The following ALOX12B variants were observed in gnomAD, a reference collection of about 807,000 sequenced individuals.
ALOX12B encodes the protein arachidonate 12-lipoxygenase, 12R type.
ALOX12B carries 47 observed loss-of-function variants against 78.9 expected under a neutral mutation model. The observed-to-expected ratio is 0.60, with a 90% confidence interval of 0.47 to 0.76. The LOEUF (loss-of-function observed/expected upper bound fraction) is 0.76, where lower values mean the gene tolerates loss of function less well. Ranked by LOEUF, ALOX12B falls within the 30% of genes least tolerant of loss-of-function variation. The probability of loss-of-function intolerance (pLI) is 0.00; values close to 1 mark genes in which losing one functional copy is unlikely to be tolerated. For synonymous variants in ALOX12B, 370 were observed against 374.5 expected (o/e 0.99, Z 0.14); for missense variants, 805 against 922.6 (o/e 0.87, Z 1.65).
chr17:8,073,151 G>A lies in ALOX12B; in HGVS notation c.1923C>T (p.Asp641=). 6.2e-7 allele frequency: 1 copy of A among 1,614,130 alleles called. No individual in the cohort carries two copies. The change falls in exon 14 of 15, where the codon GAC becomes GAT. Residue 641 remains aspartate, a synonymous_variant. Transcript: ENST00000647874. Reference sequence around the variant, plus strand: ...AGTCCCCCATCCCGTCTCGCACCCTGTCGTCAGGCTCTCGGCTGAGGGTCC... The same window carrying A: ...AGTCCCCCATCCCGTCTCGCACCCTATCGTCAGGCTCTCGGCTGAGGGTCC... ...VLWTLSREPD[D]RRPLGHFPDI...
In ALOX12B at chr17:8,083,975, G is replaced by A. The variant is rs138510748; in HGVS notation, c.352+2041C>T. 1.6e-3 allele frequency among the ~76,000 whole-genome samples: 249 copies of A among 152,070 alleles called. 1 individual carries two copies. Among genetic ancestry groups the A allele is most frequent in the African/African-American group, 5.5e-3 (227 of 41,476 alleles). On this transcript the variant is annotated intron_variant, in intron 2 of 14. Transcript: ENST00000647874. Reference sequence around the variant, plus strand: ...AGATCGAAACCATCCTGGCTAACACGGTGAAACCCCATCTGTACTAAAAAT... The same window carrying A: ...AGATCGAAACCATCCTGGCTAACACAGTGAAACCCCATCTGTACTAAAAAT...
chr17:8,073,746 A>T lies in ALOX12B; in HGVS notation c.1666T>A (p.Cys556Ser), dbSNP rs1017374508. 2 of 1,613,960 alleles carry T rather than the reference A, an allele frequency of 1.2e-6. No individual in the cohort carries two copies. Among genetic ancestry groups the T allele is most frequent in the Admixed American group, 1.7e-5 (1 of 60,014 alleles). The change falls in exon 13 of 15, where the codon TGC becomes AGC. Residue 556 changes from cysteine to serine, a missense_variant. Transcript: ENST00000647874. ...ATCAGCTCAGGCACGGTTCGCAAGC[A>T]CCTAGGGAAGCCTGACCGGCGGGGG... ...LGRESSGFPR[C>S]LRTVPELIRY...
In ALOX12B at chr17:8,073,184, C is replaced by T. The variant is rs1266666263; in HGVS notation, c.1890G>A (p.Leu630=). 6.2e-7 allele frequency: 1 copy of T among 1,614,048 alleles called. No individual in the cohort carries two copies. The highest frequency in any genetic ancestry group is 8.5e-7 in the Non-Finnish European group (1 of 1,180,046). The change falls in exon 14 of 15, where the codon CTG becomes CTA. Residue 630 remains leucine, a synonymous_variant. Transcript: ENST00000647874. The part of the protein sequence containing the change: ...PDVKTTCITL[L]VLWTLSREPD... ...GCTCTCGGCTGAGGGTCCAGAGCAC[C>T]AGCAGCGTGATGCACGTGGTCTTCA...
In ALOX12B at chr17:8,079,632, C is replaced by CA. The variant is rs1179286729; in HGVS notation, c.928-94dup. 2.6e-6 allele frequency: 4 copies of CA among 1,533,618 alleles called. No individual in the cohort carries two copies. In the East Asian group the frequency reaches 9.8e-5, roughly 38 times the overall value. On this transcript the variant is annotated intron_variant, in intron 7 of 14. Transcript: ENST00000647874. The surrounding 1 kb of genome is among the most constrained non-coding windows in gnomAD (Gnocchi z 6.4). ...TGCACAGGGCGCTGGCGACTAGGGGCAGGGGTGGGACGGGGACAGGGACGC... is the reference window on the plus strand; with the variant it reads ...TGCACAGGGCGCTGGCGACTAGGGGCAAGGGGTGGGACGGGGACAGGGACGC...
rs1204572223 is a variant in ALOX12B at position 8,075,721 on chromosome 17, C to T, written c.1533-5G>A. The stretch of plus-strand genomic sequence containing the variant: ...GTGATGATCTCCGTCACATACCTGA[C>T]CAGGGGACAGGGCCTCAGTTTGGAT... On this transcript the variant is annotated splice_polypyrimidine_tract_variant and splice_region_variant and intron_variant, in intron 11 of 14. Coordinates refer to ENST00000647874, the MANE Select transcript of ALOX12B (RefSeq NM_001139.3). The T allele has an allele frequency of 3.1e-6, 5 of 1,614,190 alleles. No individual in the cohort carries two copies. In the Admixed American group the frequency reaches 6.7e-5, roughly 22 times the overall value.
chr17:8,076,598 T>C, intron 10 of ALOX12B, 59 bp downstream of exon 10: 1 of 1,513,454 alleles, frequency 6.6e-7, no homozygotes, highest in South Asian at 1.2e-5. Context: ...CCTCTTCATC[T>C]AACTGAAAAG....
intron 2 of ALOX12B, among the ~76,000 whole-genome samples, chr17:8,082,595 T>C (rs1977238584): frequency 1.3e-5 from 2 of 148,746 alleles, no homozygotes; most frequent in Admixed American, 6.7e-5. Context: ...TTTAAACCGC[T>C]ATTGCTATAG....
At chr17:8,073,125 G>C (rs1193521541) in intron 14 of ALOX12B, 23 bp downstream of exon 14, 2 of 1,613,830 alleles carry the variant, frequency 1.2e-6, no homozygotes, top group Admixed American at 3.3e-5. Flanking sequence ...CCTGTGCTCA[G>C]AGTCCCCCAT....
chr17:8,074,714 C>G (rs968002123), intron 12 of ALOX12B, among the ~76,000 whole-genome samples: 1 of 152,184 alleles, frequency 6.6e-6, no homozygotes, highest in Non-Finnish European at 1.5e-5. Flanking sequence ...GCAGCCTGGC[C>G]GTGGCTCACG....
Position 8,082,610 on chromosome 17 carries a change from C to T in ALOX12B, c.353-1423G>A, listed in dbSNP as rs568623403. ...TTTAAACCGCTATTGCTATAGATTA[C>T]GCCTGTGACGCACTGCCTCCCTTTC... On this transcript the variant is annotated intron_variant, in intron 2 of 14. Coordinates refer to ENST00000647874, the MANE Select transcript of ALOX12B (RefSeq NM_001139.3). Among the ~76,000 whole-genome samples, 7 of 145,994 alleles carry T rather than the reference C, an allele frequency of 4.8e-5. No homozygotes were observed. In the South Asian group the frequency reaches 7.0e-4, roughly 15 times the overall value.
chr17:8,072,847 C>T lies in ALOX12B; in HGVS notation c.2030G>A (p.Arg677His), dbSNP rs1977008980. 1.3e-5 allele frequency: 21 copies of T among 1,614,194 alleles called. No individual in the cohort carries two copies. The highest frequency in any genetic ancestry group is 1.8e-5 in the Non-Finnish European group (21 of 1,180,044). ...QRLNQISHDI[R>H]QRNKCLPIPY... The stretch of plus-strand genomic sequence containing the variant: ...GATGGGAAGGCACTTGTTGCGCTGG[C>T]GGATGTCGTGTGAGATCTGGTTCAG... The change falls in exon 15 of 15, where the codon CGC (arginine) becomes CAC (histidine). Residue 677 changes from arginine (R) to histidine (H), a missense_variant. Arg to His is a conservative substitution (Grantham distance 29, BLOSUM62 0). Coordinates refer to ENST00000647874, the MANE Select transcript of ALOX12B (RefSeq NM_001139.3).
intron 1 of ALOX12B, among the ~76,000 whole-genome samples, chr17:8,086,709 G>A (rs1347846394): frequency 2.0e-5 from 3 of 152,236 alleles, no homozygotes; most frequent in Non-Finnish European, 4.4e-5. Context: ...GACCCGCAAA[G>A]CGTGCCTTCC....
chr17:8,084,139 G>A (rs968982911), intron 2 of ALOX12B, among the ~76,000 whole-genome samples: 6 of 147,038 alleles, frequency 4.1e-5, no homozygotes, highest in Non-Finnish European at 7.5e-5. Context: ...GGGCGACAGA[G>A]CGAGACTCCA....
chr17:8,073,865 G>A (rs1361044850), intron 12 of ALOX12B, 108 bp from the exon 13 acceptor site: 6 of 881,848 alleles, frequency 6.8e-6, no homozygotes, highest in Non-Finnish European at 1.1e-5. Context: ...AAAGCTTCAA[G>A]CTGCCGCATC....
chr17:8,076,797 A>G (rs569639430), intron 9 of ALOX12B, 54 bp from the exon 10 acceptor site: 2 of 1,518,918 alleles, frequency 1.3e-6, no homozygotes, highest in Admixed American at 2.0e-5. Context: ...CCCCCAAAGG[A>G]GCTCAGCTCC....
chr17:8,081,484 G>C (rs537200492), intron 2 of ALOX12B: 24 of 473,168 alleles, frequency 5.1e-5, no homozygotes, highest in South Asian at 4.9e-4. Flanking sequence ...TGGAGTACAA[G>C]AGCAATGTTG....
chr17:8,083,238 A>T (rs917247836), intron 2 of ALOX12B, among the ~76,000 whole-genome samples: 2 of 152,214 alleles, frequency 1.3e-5, no homozygotes, highest in African/African-American at 4.8e-5. Context: ...ACACATGTGT[A>T]CAGATACATG....
In ALOX12B at chr17:8,075,641, C is replaced by T. The variant is rs1371190952; in HGVS notation, c.1608G>A (p.Trp536Ter). Residue 536 changes from tryptophan (W) to a stop codon, truncating the protein, a stop_gained, in exon 12 of 15, where the codon TGG becomes TGA. Transcript: ENST00000647874. LOFTEE classifies it high-confidence loss of function. ...AVEGDPELQSWVQEIFKECLL... is the reference protein window; with the variant it reads ...AVEGDPELQS ...GGCACTCTTTAAATATTTCCTGCAC[C>T]CAAGACTGCAATTCCGGATCACCCT... is the stretch of plus-strand genomic sequence containing the variant. 1 of 1,614,196 alleles carries T rather than the reference C, an allele frequency of 6.2e-7. No homozygotes were observed. The highest frequency in any genetic ancestry group is 1.1e-5 in the South Asian group (1 of 91,084).
chr17:8,076,943 G>A (rs779064608), intron 9 of ALOX12B, 47 bp downstream of exon 9: 1 of 1,588,854 alleles, frequency 6.3e-7, no homozygotes, highest in South Asian at 1.1e-5. Context: ...CGGAGGCCAG[G>A]TGAGGGCCAT....
Sources: allele counts gnomAD v4.1 joint callset (sites outside exome capture counted in the v4.1 genomes callset), GRCh38; gene constraint gnomAD v4.1.1; non-coding constraint Gnocchi (gnomAD v3.1); transcripts MANE v1.5; gene names NCBI Gene and HGNC (gene_info 2026-07-23, HGNC 2026-07-21).